The following ETNPPL variants were observed in gnomAD, a reference collection of about 807,000 sequenced individuals.
ETNPPL encodes alanine--glyoxylate aminotransferase 2-like 1.
Under a neutral mutation model 55.5 loss-of-function variants are expected in ETNPPL, and 30 were observed. The observed-to-expected ratio is 0.54, with a 90% CI of 0.40 to 0.73. The LOEUF is 0.73. Ranked by LOEUF, ETNPPL falls within the 30% of genes least tolerant of loss-of-function variation. The pLI, the probability that ETNPPL is intolerant of heterozygous loss-of-function variation, is 0.00. For missense variants in ETNPPL, 528 were observed against 607.9 expected, an observed-to-expected ratio of 0.87 and a Z score of 1.38; for synonymous variants, 202 against 207.2, an observed-to-expected ratio of 0.98 and a Z score of 0.21.
intron 1 of ETNPPL, chr4:108,762,331 T>C: frequency 2.2e-6 from 1 of 458,854 alleles, no homozygotes; most frequent in Admixed American, 2.4e-5. Flanking sequence ...AGTTTTTCTA[T>C]TGGCTAGATA....
Position 108,742,389 on chromosome 4 carries a change from C to A in ETNPPL, c.*95G>T. 1 of 1,278,380 alleles carries A rather than the reference C, an allele frequency of 7.8e-7. No homozygotes were observed. The highest frequency in any genetic ancestry group is 1.3e-5 in the South Asian group (1 of 75,194). The allele number at this position is 1,278,380 out of a possible 1,614,324, so 79.2% of individuals were successfully genotyped here. ...TTATGAATCTAAACTGACAATTCCA[C>A]CTTTAGAGGTATAATAGAGCTATTA... On this transcript the variant is annotated 3_prime_UTR_variant, in exon 13 of 13. Transcript: ENST00000296486.
At chr4:108,761,336 A>T (rs1212188488) in intron 1 of ETNPPL, among the ~76,000 whole-genome samples, 1 of 152,374 alleles carries the variant, frequency 6.6e-6, no homozygotes, top group East Asian at 1.9e-4. Flanking sequence ...TGATTATTAC[A>T]AACAGTAGGT....
chr4:108,751,561 CA>C (rs532969074), intron 6 of ETNPPL, among the ~76,000 whole-genome samples: 6 of 152,148 alleles, frequency 3.9e-5, no homozygotes, highest in Non-Finnish European at 8.8e-5. Flanking sequence ...ATAGGAACTA[CA>C]GATGAATCAT....
At chr4:108,747,226 ATAT>A (rs1728639559) in intron 9 of ETNPPL, among the ~76,000 whole-genome samples, 1 of 14,734 alleles carries the variant, frequency 6.8e-5, no homozygotes, top group African/African-American at 6.2e-4. Flanking sequence ...TATATATATT[ATAT>A]ATATATATAT....
chr4:108,757,439 G>A (rs1729265340), intron 3 of ETNPPL, among the ~76,000 whole-genome samples: 1 of 152,046 alleles, frequency 6.6e-6, no homozygotes, highest in Non-Finnish European at 1.5e-5. Flanking sequence ...ATGAGGTAGA[G>A]CAGGATTCAG....
Position 108,743,802 on chromosome 4 carries a change from G to T in ETNPPL, c.1358C>A (p.Pro453Gln), listed in dbSNP as rs1193034512. ...GCCAACCCTTACCTTTGTTTTGCAT[G>T]GAGTATTCTCAGAGGTCACACTTTC... ...KTESVTSENTPCKTKMLKEAH... is the reference protein window; with the variant it reads ...KTESVTSENTQCKTKMLKEAH... The change falls in exon 12 of 13, where the codon CCA becomes CAA. Residue 453 changes from proline to glutamine, a missense_variant. Transcript: ENST00000296486. 1 of 1,608,804 alleles carries T rather than the reference G, an allele frequency of 6.2e-7. No homozygotes were observed. Among genetic ancestry groups the T allele is most frequent in the South Asian group, 1.1e-5 (1 of 90,880 alleles).
chr4:108,746,234 GCTAT>G (rs1210056196), intron 11 of ETNPPL, among the ~76,000 whole-genome samples, 161 bp downstream of exon 11: 2 of 152,122 alleles, frequency 1.3e-5, no homozygotes, highest in Non-Finnish European at 2.9e-5. Context: ...TTACTTTTCA[GCTAT>G]CTTTTTCTAG....
chr4:108,759,707 G>A (rs1460678903), intron 3 of ETNPPL, 42 bp downstream of exon 3: 1 of 1,595,024 alleles, frequency 6.3e-7, no homozygotes, highest in Non-Finnish European at 8.6e-7. Flanking sequence ...AGTAGACAAA[G>A]TTTAGTGGGA....
At chr4:108,748,331 A>G (rs1728723969) in intron 8 of ETNPPL, among the ~76,000 whole-genome samples, 172 bp from the exon 9 acceptor site, 1 of 152,188 alleles carries the variant, frequency 6.6e-6, no homozygotes, top group African/African-American at 2.4e-5. Flanking sequence ...CTATATATTC[A>G]GGACTGAGTG....
intron 4 of ETNPPL, 99 bp downstream of exon 4, chr4:108,756,319 C>A (rs1399483561): frequency 2.5e-6 from 2 of 787,964 alleles, no homozygotes; most frequent in African/African-American, 3.4e-5. Flanking sequence ...ATATATCTGT[C>A]CTCTTTCACA....
At chr4:108,762,397 A>G (rs748511796) in intron 1 of ETNPPL, 2 of 502,884 alleles carry the variant, frequency 4.0e-6, no homozygotes, top group South Asian at 1.5e-5. Flanking sequence ...TTAAGTAAAA[A>G]TTGTCAGAAT....
chr4:108,747,177 TA>T (rs1728607950), intron 9 of ETNPPL, among the ~76,000 whole-genome samples: 2 of 11,578 alleles, frequency 1.7e-4, no homozygotes, highest in Non-Finnish European at 2.4e-4. Flanking sequence ...TATATATATA[TA>T]TAATATATAT....
chr4:108,762,221 G>C, intron 1 of ETNPPL: 1 of 378,742 alleles, frequency 2.6e-6, no homozygotes, highest in South Asian at 2.0e-5. Flanking sequence ...TTTGTGACGG[G>C]GGCAAGACAA....
chr4:108,762,671 G>T, intron 1 of ETNPPL, 172 bp downstream of exon 1: 1 of 788,584 alleles, frequency 1.3e-6, no homozygotes, highest in Non-Finnish European at 2.2e-6. Flanking sequence ...AGCGTTTCTG[G>T]GAGTCCGCGC....
At position 108,763,007 on chromosome 4, in the gene ETNPPL, C is replaced by T; in HGVS notation, c.-109G>A. 2.0e-6 allele frequency: 2 copies of T among 1,012,282 alleles called. No individual in the cohort carries two copies. The highest frequency in any genetic ancestry group is 1.4e-5 in the South Asian group (1 of 72,298). The allele number at this position is 1,012,282 out of a possible 1,614,324, so 62.7% of individuals were successfully genotyped here. A position where few individuals can be genotyped will look rare whatever the true frequency, so the allele number is the denominator to read the frequency against. On this transcript the variant is annotated 5_prime_UTR_variant, in exon 1 of 13. Transcript: ENST00000296486. ...CCCGGCCGGCCTTCCTCCCGTTATC[C>T]CTCCTGGCGTTCTCTTGCCCGGGGC...
intron 11 of ETNPPL, among the ~76,000 whole-genome samples, chr4:108,745,728 C>T (rs113971921): frequency 0.11 from 17,069 of 152,044 alleles, 1,313 homozygotes; most frequent in Non-Finnish European, 0.17. Context: ...GTCAGGAATT[C>T]GATACCAGCC....
rs369022476 is a variant in ETNPPL at position 108,754,591 on chromosome 4, A to G, written c.501+29T>C. ...CATTAAGCATTCCTCCAATACAAAC[A>G]TTCTGATTTAGGATTTTAAGACACT... On this transcript the variant is annotated intron_variant, in intron 5 of 12. Coordinates refer to ENST00000296486, the MANE Select transcript of ETNPPL (RefSeq NM_031279.4). 3 of 1,139,032 alleles carry G rather than the reference A, an allele frequency of 2.6e-6. No individual in the cohort carries two copies. The African/African-American group carries it at 4.6e-5, about 18-fold the overall frequency. The allele number at this position is 1,139,032 out of a possible 1,614,324, so 70.6% of individuals were successfully genotyped here.
At chr4:108,762,532 G>A (rs3733622) in intron 1 of ETNPPL, 98,726 of 664,884 alleles carry the variant, frequency 0.15, 9,090 homozygotes, top group African/African-American at 0.35. Flanking sequence ...CTGGAATGGT[G>A]TCTGCTAGGG....
rs1164661418 is a variant in ETNPPL at position 108,750,614 on chromosome 4, G to GATATATATTTTATATATATAT, written c.701+321_701+322insATATATATATAAAATATATAT. On this transcript the variant is annotated intron_variant, in intron 7 of 12. Coordinates refer to ENST00000296486, the MANE Select transcript of ETNPPL (RefSeq NM_031279.4). The stretch of plus-strand genomic sequence containing the variant: ...GATATATCATATATGATATATATAG[G>GATATATATTTTATATATATAT]ATATATATATATCCTATTAGTTTGG... Among the ~76,000 whole-genome samples the GATATATATTTTATATATATAT allele has an allele frequency of 1.2e-4, 15 of 121,584 alleles. 1 individual carries two copies. The highest frequency in any genetic ancestry group is 3.9e-4 in the African/African-American group (12 of 30,640). The allele number at this position is 121,584 out of a possible 152,430, so 79.8% of individuals were successfully genotyped here. A position where few individuals can be genotyped will look rare whatever the true frequency, so the allele number is the denominator to read the frequency against.
Sources: allele counts gnomAD v4.1 joint callset (sites outside exome capture counted in the v4.1 genomes callset), GRCh38; gene constraint gnomAD v4.1.1; transcripts MANE v1.5; gene names NCBI Gene and HGNC (gene_info 2026-07-23, HGNC 2026-07-21).